MACROD2: variants seen among roughly 807,000 people sequenced by gnomAD.
MACROD2 encodes mono-ADP ribosylhydrolase 2, also known as ADP-ribose glycohydrolase MACROD2.
A neutral mutation model predicts 70.4 loss-of-function variants in MACROD2; 36 were observed. The ratio of observed to expected loss-of-function variants is 0.51; its 90% CI spans 0.39 to 0.68. MACROD2 has a LOEUF of 0.68. MACROD2 is among the 30% of genes least tolerant of loss of function. MACROD2 has a pLI of 0.00. For missense variants in MACROD2, 496 were observed against 538.4 expected (o/e 0.92, Z 0.78); for synonymous variants, 172 against 178.8 (o/e 0.96, Z 0.30).
intron 10 of MACROD2, among the ~76,000 whole-genome samples, chr20:15,920,941 A>G (rs1001261860): frequency 1.3e-5 from 2 of 152,082 alleles, no homozygotes; most frequent in African/African-American, 4.8e-5. Flanking sequence ...AGTTGGTTCA[A>G]TCTCTTGAAT....
chr20:16,010,216 C>T (rs574990967), intron 15 of MACROD2, among the ~76,000 whole-genome samples: 6 of 152,224 alleles, frequency 3.9e-5, no homozygotes, highest in South Asian at 2.1e-4. Context: ...GGGCTAGTGG[C>T]GCATGTCCTG....
At chr20:14,130,929 TG>T (rs59625496) in intron 3 of MACROD2, among the ~76,000 whole-genome samples, 21,044 of 129,458 alleles carry the variant, frequency 0.16, 1,932 homozygotes, top group African/African-American at 0.33. Context: ...GTGTTTTTTT[TG>T]TTTTTTTTTT....
chr20:14,931,265 C>T (rs2074293508), intron 5 of MACROD2, among the ~76,000 whole-genome samples: 1 of 152,092 alleles, frequency 6.6e-6, no homozygotes, highest in Non-Finnish European at 1.5e-5. Flanking sequence ...ATATACAGAG[C>T]ATTCTCGGAA....
intron 3 of MACROD2, among the ~76,000 whole-genome samples, chr20:14,191,892 A>T (rs2081391336): frequency 6.7e-6 from 1 of 149,872 alleles, no homozygotes; most frequent in Non-Finnish European, 1.5e-5. Flanking sequence ...CCTGAATGAG[A>T]TGAGGAGCCA....
At chr20:15,792,732 C>G (rs1007507992) in intron 8 of MACROD2, among the ~76,000 whole-genome samples, 1 of 152,234 alleles carries the variant, frequency 6.6e-6, no homozygotes, top group Non-Finnish European at 1.5e-5. Flanking sequence ...TAAATTGGCT[C>G]GACCTCTTTG....
At chr20:14,035,289 T>C (rs1231203291) in intron 2 of MACROD2, among the ~76,000 whole-genome samples, 2 of 152,224 alleles carry the variant, frequency 1.3e-5, no homozygotes, top group African/African-American at 4.8e-5. Context: ...CTTTAATGCA[T>C]TTTGTTATTC....
intron 5 of MACROD2, among the ~76,000 whole-genome samples, chr20:14,936,493 T>C (rs967321269): frequency 6.6e-6 from 1 of 152,158 alleles, no homozygotes; most frequent in Non-Finnish European, 1.5e-5. Flanking sequence ...TATATGCCTA[T>C]AATGGATTAG....
intron 2 of MACROD2, among the ~76,000 whole-genome samples, chr20:14,082,259 ACCT>A (rs2054007827): frequency 7.2e-6 from 1 of 138,852 alleles, no homozygotes. Context: ...GCTCACTGCA[ACCT>A]CCACCTCCCA....
rs192401566 is a variant in MACROD2, at chr20:14,934,727, C to T, written c.418+249768C>T. ...GCTTGAACTCAGGAGGTGGAGGTTG[C>T]AGTGACCAAGATTGTACCACTGCAC... is the stretch of plus-strand genomic sequence containing the variant. On this transcript the variant is annotated intron_variant, in intron 5 of 17. Transcript: ENST00000684519. Among the ~76,000 whole-genome samples the T allele has an allele frequency of 7.6e-4, 115 of 152,246 alleles. 1 individual carries two copies. Among genetic ancestry groups the T allele is most frequent in the African/African-American group, 2.7e-3 (111 of 41,552 alleles).
At chr20:15,961,218 G>A (rs1280893046) in intron 12 of MACROD2, among the ~76,000 whole-genome samples, 5 of 152,038 alleles carry the variant, frequency 3.3e-5, no homozygotes, top group East Asian at 1.9e-4. Context: ...CCATGATTTC[G>A]CCTCAGTTCT....
intron 5 of MACROD2, among the ~76,000 whole-genome samples, chr20:14,707,190 G>A (rs889695111): frequency 3.3e-5 from 5 of 152,210 alleles, no homozygotes; most frequent in Admixed American, 6.5e-5. Flanking sequence ...TGGCCAGGGC[G>A]AATGGGCTTC....
intron 5 of MACROD2, among the ~76,000 whole-genome samples, chr20:15,192,171 C>T (rs979586478): frequency 1.3e-5 from 2 of 151,846 alleles, no homozygotes; most frequent in African/African-American, 4.8e-5. Context: ...TCCCCTTTTC[C>T]GTCTCCTCTG....
At chr20:15,455,737 G>A (rs1205759092) in intron 7 of MACROD2, among the ~76,000 whole-genome samples, 1 of 152,108 alleles carries the variant, frequency 6.6e-6, no homozygotes, top group Non-Finnish European at 1.5e-5. Flanking sequence ...TTTTACAGCA[G>A]ATTCACTTTC....
intron 3 of MACROD2, among the ~76,000 whole-genome samples, chr20:14,241,690 A>T (rs2081931030): frequency 6.6e-6 from 1 of 151,824 alleles, no homozygotes; most frequent in Non-Finnish European, 1.5e-5. Context: ...TGATGCTTGA[A>T]CTCCAACCTG....
intron 5 of MACROD2, among the ~76,000 whole-genome samples, chr20:15,193,139 T>C (rs916152565): frequency 2.6e-5 from 4 of 152,226 alleles, no homozygotes; most frequent in Admixed American, 2.6e-4. Context: ...ATCTTCTTTC[T>C]CTTCTCTCTC....
chr20:15,962,599 G>A (rs962030054), intron 12 of MACROD2, among the ~76,000 whole-genome samples: 2 of 152,206 alleles, frequency 1.3e-5, no homozygotes, highest in Non-Finnish European at 2.9e-5. Context: ...TCCCAGCCAT[G>A]TCTCAAAGAC....
intron 5 of MACROD2, among the ~76,000 whole-genome samples, chr20:14,896,208 T>C (rs1317153447): frequency 2.0e-5 from 3 of 151,988 alleles, no homozygotes; most frequent in African/African-American, 4.8e-5. Context: ...GGCAGGACAA[T>C]TGCTTGAACT....
chr20:15,374,339 CTT>C (rs1182636125), intron 6 of MACROD2, among the ~76,000 whole-genome samples: 1 of 151,588 alleles, frequency 6.6e-6, no homozygotes, highest in African/African-American at 2.4e-5. Context: ...TATATAATCA[CTT>C]ATATGATTAC....
intron 8 of MACROD2, among the ~76,000 whole-genome samples, chr20:15,551,380 T>G (rs989520045): frequency 1.3e-5 from 2 of 151,948 alleles, no homozygotes; most frequent in African/African-American, 4.8e-5. Flanking sequence ...TGTCACCTCG[T>G]TTTTCATTCT....
Sources: gnomAD v4.1 joint callset for allele counts (sites outside exome capture counted in the v4.1 genomes callset) on GRCh38, gnomAD v4.1.1 for gene constraint, MANE v1.5 for transcripts, NCBI Gene and HGNC (gene_info 2026-07-23, HGNC 2026-07-21) for gene names.